The following SLC6A2 variants were observed in gnomAD, a reference collection of about 807,000 sequenced individuals.
SLC6A2 encodes the protein sodium-dependent noradrenaline transporter.
In SLC6A2, 26 loss-of-function variants were observed where a neutral mutation model predicts 71.7. That is an observed-to-expected ratio of 0.36 (90% CI 0.27 to 0.50). The LOEUF is 0.50. Ranked by LOEUF, SLC6A2 falls within the 20% of genes least tolerant of loss-of-function variation. The pLI is 0.96. For synonymous variants in SLC6A2, 363 were observed against 337.9 expected (o/e 1.07, Z -0.82); for missense variants, 581 against 803.9 (o/e 0.72, Z 3.35).
At chr16:55,692,173 A>T in intron 6 of SLC6A2, 121 bp downstream of exon 6, 1 of 1,184,458 alleles carries the variant, frequency 8.4e-7, no homozygotes, top group Non-Finnish European at 1.2e-6. Context: ...CTTGGACAGG[A>T]TCCTTCCCTG....
In SLC6A2 at chr16:55,669,704, AGG is replaced by A. The variant is rs752538204; in HGVS notation, c.406+11_406+12del. 1.2e-5 allele frequency: 20 copies of A among 1,614,012 alleles called. No individual in the cohort carries two copies. The highest frequency in any genetic ancestry group is 1.6e-5 in the Non-Finnish European group (19 of 1,180,008). On this transcript the variant is annotated intron_variant, in intron 3 of 14. Transcript: ENST00000568943. ...TCTGCCCATTCTTCAAAGGTAAAGA[AGG>A]GGTGGGAGAAAGTCACGGTTGTTCA... is the stretch of plus-strand genomic sequence containing the variant.
intron 4 of SLC6A2, among the ~76,000 whole-genome samples, chr16:55,681,321 CA>C (rs1965264341): frequency 6.6e-6 from 1 of 152,224 alleles, no homozygotes; most frequent in African/African-American, 2.4e-5. Context: ...CTGTGATCCC[CA>C]GGGGGCTGGA....
At chr16:55,671,411 G>T (rs1052289274) in intron 3 of SLC6A2, among the ~76,000 whole-genome samples, 1 of 152,178 alleles carries the variant, frequency 6.6e-6, no homozygotes, top group Non-Finnish European at 1.5e-5. Flanking sequence ...CGGGCAAAGA[G>T]ATGGCAGGGG....
chr16:55,688,097 G>T (rs1467915978), intron 5 of SLC6A2, among the ~76,000 whole-genome samples: 3 of 152,188 alleles, frequency 2.0e-5, no homozygotes, highest in African/African-American at 7.2e-5. Flanking sequence ...TTTAGAATGG[G>T]GAGCTTCACT....
At chr16:55,674,809 A>AC (rs1436877617) in intron 4 of SLC6A2, among the ~76,000 whole-genome samples, 1 of 152,202 alleles carries the variant, frequency 6.6e-6, no homozygotes, top group Non-Finnish European at 1.5e-5. Context: ...GCTGCAATGA[A>AC]CATCCACGCG....
chr16:55,682,854 G>C (rs1008772657), intron 4 of SLC6A2, among the ~76,000 whole-genome samples: 4 of 152,114 alleles, frequency 2.6e-5, no homozygotes, highest in Non-Finnish European at 4.4e-5. Flanking sequence ...GGGGGCCCCT[G>C]CAGCTCCCTT....
chr16:55,703,659 T>C lies in SLC6A2; in HGVS notation c.*1313T>C. The C allele has an allele frequency of 1.0e-6, 1 of 985,448 alleles. No homozygotes were observed. The highest frequency in any genetic ancestry group is 5.2e-4 in the Middle Eastern group (1 of 1,914). The allele number at this position is 985,448 out of a possible 1,614,324, so 61.0% of individuals were successfully genotyped here. A position where few individuals can be genotyped will look rare whatever the true frequency, so the allele number is the denominator to read the frequency against. ...CCTAGTTTGCTAAATTGGTGGCATCTTTGGGAGGGGTTTCTGTTTATGGTT... is the reference window on the plus strand; with the variant it reads ...CCTAGTTTGCTAAATTGGTGGCATCCTTGGGAGGGGTTTCTGTTTATGGTT... On this transcript the variant is annotated 3_prime_UTR_variant, in exon 15 of 15. Coordinates refer to ENST00000568943, the MANE Select transcript of SLC6A2 (RefSeq NM_001172501.3).
At chr16:55,693,442 AACAG>A (rs1368739627) in intron 6 of SLC6A2, among the ~76,000 whole-genome samples, 2 of 152,220 alleles carry the variant, frequency 1.3e-5, no homozygotes, top group Non-Finnish European at 2.9e-5. Flanking sequence ...CAGATGAGGA[AACAG>A]ACAGAGAGAA....
rs770250971 is a variant in SLC6A2 at position 55,700,183 on chromosome 16, C to T, written c.1635C>T (p.Tyr545=). 9.3e-6 allele frequency: 15 copies of T among 1,614,012 alleles called. No individual in the cohort carries two copies. The highest frequency in any genetic ancestry group is 5.5e-5 in the South Asian group (5 of 91,090). ...TCATCAACTTCAAGCCACTCACCTA[C>T]GACGACTACATCTTCCCGCCCTGGG... ...VSIINFKPLT[Y]DDYIFPPWAN... is the part of the protein sequence containing the mutation. Residue 545 remains tyrosine (Y), a synonymous_variant, in exon 13 of 15, where the codon TAC becomes TAT. Transcript: ENST00000568943.
At chr16:55,691,230 GGAGAGAGAGAGAGAGA>G (rs56308124) in intron 5 of SLC6A2, among the ~76,000 whole-genome samples, 2,922 of 46,452 alleles carry the variant, frequency 0.063, 111 homozygotes, top group East Asian at 0.15. Flanking sequence ...GGGGAGAGGG[GGAGAGAGAGAGAGAGA>G]GAGAGAGAGA....
intron 2 of SLC6A2, among the ~76,000 whole-genome samples, chr16:55,666,367 G>A (rs548377207): frequency 6.6e-6 from 1 of 152,168 alleles, no homozygotes; most frequent in Non-Finnish European, 1.5e-5. Flanking sequence ...GGCAACTTCA[G>A]TTGACTTCAC....
intron 2 of SLC6A2, among the ~76,000 whole-genome samples, chr16:55,668,687 G>A (rs1477363761): frequency 1.3e-5 from 2 of 152,172 alleles, no homozygotes; most frequent in Non-Finnish European, 2.9e-5. Flanking sequence ...ACTGAGAATT[G>A]TCTCTGCAAC....
At chr16:55,697,404 C>G (rs1162288457) in intron 9 of SLC6A2, among the ~76,000 whole-genome samples, 1 of 152,162 alleles carries the variant, frequency 6.6e-6, no homozygotes. Context: ...CTTTCAGACT[C>G]TAAGAGTCTG....
At chr16:55,695,162 AG>A in intron 7 of SLC6A2, 115 bp from the exon 8 acceptor site, 1 of 1,219,516 alleles carries the variant, frequency 8.2e-7, no homozygotes, top group Non-Finnish European at 1.2e-6. Context: ...GAGCCACTGA[AG>A]GGGGGATGGC....
intron 2 of SLC6A2, among the ~76,000 whole-genome samples, chr16:55,662,192 C>A (rs1325372317): frequency 6.6e-6 from 1 of 152,200 alleles, no homozygotes; most frequent in South Asian, 2.1e-4. Flanking sequence ...CTGTTCCTGA[C>A]AAGATTGGGA....
intron 2 of SLC6A2, among the ~76,000 whole-genome samples, chr16:55,658,633 C>G (rs769273926): frequency 1.3e-5 from 2 of 152,142 alleles, no homozygotes; most frequent in African/African-American, 2.4e-5. Flanking sequence ...TTGGAGCTGA[C>G]AGATGGAGGT....
chr16:55,686,238 T>C (rs534061388), intron 5 of SLC6A2, among the ~76,000 whole-genome samples: 142 of 152,360 alleles, frequency 9.3e-4, no homozygotes, highest in African/African-American at 3.0e-3. Context: ...AGATGGTGCA[T>C]ACACATTGCT....
At chr16:55,669,984 A>G (rs1299845428) in intron 3 of SLC6A2, among the ~76,000 whole-genome samples, 1 of 152,222 alleles carries the variant, frequency 6.6e-6, no homozygotes, top group African/African-American at 2.4e-5. Context: ...AAGTATCAGA[A>G]GTACCCAGCA....
At chr16:55,684,653 T>C (rs1300756071) in intron 4 of SLC6A2, among the ~76,000 whole-genome samples, 2 of 152,192 alleles carry the variant, frequency 1.3e-5, no homozygotes, top group African/African-American at 2.4e-5. Context: ...CATTGCAGTA[T>C]GTTTAGCAGC....
Sources: gnomAD v4.1 joint callset for allele counts (sites outside exome capture counted in the v4.1 genomes callset) on GRCh38, gnomAD v4.1.1 for gene constraint, MANE v1.5 for transcripts, NCBI Gene and HGNC (gene_info 2026-07-23, HGNC 2026-07-21) for gene names.